Variants in TMTC1 observed in about 807,000 individuals in gnomAD.
The protein encoded by TMTC1 is transmembrane O-mannosyltransferase targeting cadherins 1, also known as protein O-mannosyl-transferase TMTC1.
A neutral mutation model predicts 104.8 loss-of-function variants in TMTC1; 73 were observed. The ratio of observed to expected loss-of-function variants is 0.70; its 90% confidence interval spans 0.58 to 0.85. The LOEUF is 0.85. TMTC1 is among the 40% of genes least tolerant of loss of function. The probability of loss-of-function intolerance (pLI) is 0.00; values close to 1 mark genes in which losing one functional copy is unlikely to be tolerated. For synonymous variants in TMTC1, 434 were observed against 428.7 expected (o/e 1.01, Z -0.15); for missense variants, 1,035 against 1,096.1 (o/e 0.94, Z 0.79).
At chr12:29,650,352 C>T (rs547317898) in intron 5 of TMTC1, among the ~76,000 whole-genome samples, 5 of 152,088 alleles carry the variant, frequency 3.3e-5, no homozygotes, top group South Asian at 4.2e-4. Context: ...CCCAAAGTGC[C>T]GGGATTACAG....
At chr12:29,572,326 A>G in intron 8 of TMTC1, 108 bp from the exon 9 acceptor site, 1 of 924,124 alleles carries the variant, frequency 1.1e-6, no homozygotes, top group South Asian at 1.6e-5. Flanking sequence ...TGTCCGTTGT[A>G]TTCTAAAACA....
At chr12:29,507,810 T>C (rs1256044913) in intron 17 of TMTC1, among the ~76,000 whole-genome samples, 1 of 152,220 alleles carries the variant, frequency 6.6e-6, no homozygotes, top group Non-Finnish European at 1.5e-5. Context: ...CTCTTTTAGA[T>C]CTGTATTCTG....
intron 6 of TMTC1, among the ~76,000 whole-genome samples, chr12:29,604,712 C>A (rs1422720264): frequency 1.3e-5 from 2 of 152,184 alleles, no homozygotes; most frequent in South Asian, 4.1e-4. Flanking sequence ...TTAATTATAT[C>A]TTCCCAAAAT....
At chr12:29,638,043 G>T (rs1006398703) in intron 5 of TMTC1, among the ~76,000 whole-genome samples, 3 of 152,110 alleles carry the variant, frequency 2.0e-5, no homozygotes, top group Non-Finnish European at 2.9e-5. Flanking sequence ...TACTGATACC[G>T]CTGACATGGG....
chr12:29,631,222 CATT>C (rs1294615037), intron 6 of TMTC1, among the ~76,000 whole-genome samples: 1 of 151,602 alleles, frequency 6.6e-6, no homozygotes, highest in Non-Finnish European at 1.5e-5. Context: ...ATTTAATTCA[CATT>C]ATCTTTTGAT....
chr12:29,583,966 C>T (rs572146122), intron 7 of TMTC1, among the ~76,000 whole-genome samples: 87 of 152,236 alleles, frequency 5.7e-4, no homozygotes, highest in Middle Eastern at 6.8e-3. Context: ...CGCCTAAATT[C>T]GGAGTTTATG....
At chr12:29,575,236 G>A (rs11050297) in intron 8 of TMTC1, among the ~76,000 whole-genome samples, 28,571 of 151,992 alleles carry the variant, frequency 0.19, 3,131 homozygotes, top group East Asian at 0.38. Flanking sequence ...CTATTTGGAA[G>A]AAAATTCCTG....
chr12:29,698,894 T>G (rs922725232), intron 5 of TMTC1, among the ~76,000 whole-genome samples: 3 of 152,170 alleles, frequency 2.0e-5, no homozygotes, highest in African/African-American at 7.2e-5. Flanking sequence ...AACCCCATAC[T>G]CTCCAGCTGT....
chr12:29,560,615 T>C (rs1490843680), intron 9 of TMTC1, among the ~76,000 whole-genome samples: 1 of 151,854 alleles, frequency 6.6e-6, no homozygotes, highest in African/African-American at 2.4e-5. Flanking sequence ...AAAATAAAGA[T>C]TAAAAAAAAT....
intron 5 of TMTC1, among the ~76,000 whole-genome samples, chr12:29,673,391 T>C (rs1023496833): frequency 6.6e-6 from 1 of 152,198 alleles, no homozygotes; most frequent in Non-Finnish European, 1.5e-5. Context: ...AAAACGCTTT[T>C]CAATATTGTG....
chr12:29,654,256 C>G (rs1018493032), intron 5 of TMTC1, among the ~76,000 whole-genome samples: 1 of 152,064 alleles, frequency 6.6e-6, no homozygotes, highest in Non-Finnish European at 1.5e-5. Context: ...AATAAAAAGA[C>G]AAACAACCCA....
At chr12:29,648,309 C>T (rs1388174036) in intron 5 of TMTC1, among the ~76,000 whole-genome samples, 1 of 152,180 alleles carries the variant, frequency 6.6e-6, no homozygotes, top group East Asian at 1.9e-4. Flanking sequence ...ATTCTTAAGG[C>T]CCCTCCATGG....
chr12:29,593,133 C>T (rs935457537), intron 7 of TMTC1, among the ~76,000 whole-genome samples: 2 of 152,162 alleles, frequency 1.3e-5, no homozygotes, highest in Non-Finnish European at 2.9e-5. Context: ...TCTGGCTGAG[C>T]TGGGCTCTTC....
At chr12:29,606,973 GC>G (rs57146094) in intron 6 of TMTC1, among the ~76,000 whole-genome samples, 3,544 of 148,908 alleles carry the variant, frequency 0.024, 112 homozygotes, top group African/African-American at 0.078. Context: ...CAACCTTCCT[GC>G]CCCCCCCCCT....
chr12:29,617,550 G>C (rs1358663653), intron 6 of TMTC1, among the ~76,000 whole-genome samples: 1 of 151,662 alleles, frequency 6.6e-6, no homozygotes, highest in Non-Finnish European at 1.5e-5. Context: ...GAGAGAGAGA[G>C]AGAGAGAGAG....
intron 5 of TMTC1, among the ~76,000 whole-genome samples, chr12:29,716,203 G>T (rs1942076880): frequency 1.3e-5 from 2 of 151,842 alleles, no homozygotes; most frequent in South Asian, 4.1e-4. Flanking sequence ...AGATTGTTTT[G>T]TTGAGATAGA....
At chr12:29,766,727 T>C (rs1176829898) in intron 2 of TMTC1, among the ~76,000 whole-genome samples, 4 of 152,110 alleles carry the variant, frequency 2.6e-5, no homozygotes, top group African/African-American at 9.7e-5. Flanking sequence ...CTCAGGCAGA[T>C]CAGCTTCAGG....
At chr12:29,750,494 G>C (rs1218655611) in intron 5 of TMTC1, among the ~76,000 whole-genome samples, 1 of 152,196 alleles carries the variant, frequency 6.6e-6, no homozygotes, top group Non-Finnish European at 1.5e-5. Flanking sequence ...CTGGTGCCTA[G>C]AACATGCCTG....
intron 7 of TMTC1, among the ~76,000 whole-genome samples, chr12:29,597,242 C>CTTT (rs36063501): frequency 9.7e-4 from 121 of 124,148 alleles, no homozygotes; most frequent in Middle Eastern, 4.0e-3. Context: ...TCTTTTCTTT[C>CTTT]TTTTTTTTTT....
Sources: gnomAD v4.1 joint callset for allele counts (sites outside exome capture counted in the v4.1 genomes callset) on GRCh38, gnomAD v4.1.1 for gene constraint, MANE v1.5 for transcripts, NCBI Gene and HGNC (gene_info 2026-07-23, HGNC 2026-07-21) for gene names.